Variants in AKAP6 observed in about 807,000 individuals in gnomAD.
AKAP6 encodes the protein A-kinase anchoring protein 6.
A neutral mutation model predicts 188.5 loss-of-function variants in AKAP6; 58 were observed. That is an observed-to-expected ratio of 0.31 (90% confidence interval 0.25 to 0.38). The LOEUF (loss-of-function observed/expected upper bound fraction) is 0.38, where lower values mean the gene tolerates loss of function less well. AKAP6 is among the 10% of genes least tolerant of loss of function. The pLI is 1.00. For synonymous variants in AKAP6, 989 were observed against 998.6 expected (o/e 0.99, Z 0.18); for missense variants, 2,710 against 2,740.0 (o/e 0.99, Z 0.24).
At chr14:32,746,996 G>A (rs2031938742) in intron 11 of AKAP6, among the ~76,000 whole-genome samples, 1 of 152,124 alleles carries the variant, frequency 6.6e-6, no homozygotes, top group East Asian at 1.9e-4. Context: ...ACTCTGAAAA[G>A]GAGTATCACT....
intron 2 of AKAP6, among the ~76,000 whole-genome samples, chr14:32,463,230 C>A (rs905413728): frequency 6.6e-5 from 10 of 152,142 alleles, no homozygotes; most frequent in Admixed American, 5.2e-4. Flanking sequence ...GGCTTGAACT[C>A]AGCTCTGGAC....
At chr14:32,569,097 A>G (rs1186265395) in intron 4 of AKAP6, among the ~76,000 whole-genome samples, 4 of 152,132 alleles carry the variant, frequency 2.6e-5, no homozygotes, top group Non-Finnish European at 5.9e-5. Context: ...GAAATTGTGG[A>G]TTCAGTGTAA....
intron 1 of AKAP6, among the ~76,000 whole-genome samples, chr14:32,345,729 GC>G (rs1188776964): frequency 6.6e-6 from 1 of 152,170 alleles, no homozygotes; most frequent in African/African-American, 2.4e-5. Context: ...CTGGACTCTG[GC>G]CTGAGTCCTA....
At chr14:32,696,342 A>T (rs1250690904) in intron 9 of AKAP6, among the ~76,000 whole-genome samples, 4 of 152,204 alleles carry the variant, frequency 2.6e-5, no homozygotes, top group Non-Finnish European at 5.9e-5. Context: ...GTAATTCTAT[A>T]GAAGGACAAA....
intron 12 of AKAP6, among the ~76,000 whole-genome samples, chr14:32,792,185 G>A (rs2033631770): frequency 6.6e-6 from 1 of 152,132 alleles, no homozygotes; most frequent in African/African-American, 2.4e-5. Context: ...CATGGGAATA[G>A]CATTGAATCT....
chr14:32,481,298 T>C (rs1288852449), intron 2 of AKAP6, among the ~76,000 whole-genome samples: 1 of 152,194 alleles, frequency 6.6e-6, no homozygotes, highest in Non-Finnish European at 1.5e-5. Context: ...GATCCAATGA[T>C]CCAGAGGCAA....
chr14:32,821,546 G>A lies in AKAP6; in HGVS notation c.3733G>A (p.Val1245Ile). Residue 1245 changes from valine (V) to isoleucine (I), a missense_variant, in exon 13 of 14, where the codon GTT becomes ATT. Coordinates refer to ENST00000280979, the MANE Select transcript of AKAP6 (RefSeq NM_004274.5). Reference protein sequence around the residue: ...SNDLDQELQPVIPSLKLGETS... With the variant: ...SNDLDQELQPIIPSLKLGETS... ...TGACCTTGATCAAGAACTCCAACCTGTTATCCCTTCCTTGAAGCTTGGAGA... is the reference window on the plus strand; with the variant it reads ...TGACCTTGATCAAGAACTCCAACCTATTATCCCTTCCTTGAAGCTTGGAGA... The A allele has an allele frequency of 6.2e-7, 1 of 1,613,720 alleles. No homozygotes were observed. The highest frequency in any genetic ancestry group is 8.5e-7 in the Non-Finnish European group (1 of 1,179,830).
intron 9 of AKAP6, among the ~76,000 whole-genome samples, chr14:32,727,930 T>C (rs1320377064): frequency 6.6e-6 from 1 of 152,218 alleles, no homozygotes; most frequent in Non-Finnish European, 1.5e-5. Flanking sequence ...ATGTGCAGCA[T>C]CATATGCGTT....
chr14:32,794,508 T>A (rs1454400503), intron 12 of AKAP6, among the ~76,000 whole-genome samples: 2 of 152,170 alleles, frequency 1.3e-5, no homozygotes, highest in Non-Finnish European at 2.9e-5. Flanking sequence ...TGCAGTGAGC[T>A]GAGATTGCAT....
chr14:32,724,990 T>TAAAAAAAAAAA (rs71432079), intron 9 of AKAP6, among the ~76,000 whole-genome samples: 1,939 of 34,912 alleles, frequency 0.056, 592 homozygotes, highest in Non-Finnish European at 0.063. Context: ...ATATTCAACC[T>TAAAAAAAAAAA]AAAAAAAAAA....
At chr14:32,697,904 TA>T (rs1165173475) in intron 9 of AKAP6, among the ~76,000 whole-genome samples, 1 of 152,144 alleles carries the variant, frequency 6.6e-6, no homozygotes, top group Non-Finnish European at 1.5e-5. Context: ...TGGGTTATAG[TA>T]TTTTTCCAAA....
intron 7 of AKAP6, among the ~76,000 whole-genome samples, chr14:32,673,753 G>T (rs1330612457): frequency 6.6e-6 from 1 of 151,960 alleles, no homozygotes; most frequent in Non-Finnish European, 1.5e-5. Context: ...AATAATAAAT[G>T]GATGAATGCA....
chr14:32,774,131 T>C, intron 12 of AKAP6: 1 of 528,450 alleles, frequency 1.9e-6, no homozygotes. Context: ...TTATTAAAAT[T>C]CCTTTAGTGT....
chr14:32,709,980 T>C (rs1890973150), intron 9 of AKAP6, among the ~76,000 whole-genome samples: 1 of 152,062 alleles, frequency 6.6e-6, no homozygotes. Flanking sequence ...AATATGCTAA[T>C]ATTGAAAGAC....
At chr14:32,700,629 T>TAGG (rs1182749080) in intron 9 of AKAP6, among the ~76,000 whole-genome samples, 1 of 152,208 alleles carries the variant, frequency 6.6e-6, no homozygotes, top group East Asian at 1.9e-4. Context: ...ACCATTGTGT[T>TAGG]ACGGTTGCCT....
At chr14:32,479,760 C>G (rs890506184) in intron 2 of AKAP6, among the ~76,000 whole-genome samples, 1 of 148,726 alleles carries the variant, frequency 6.7e-6, no homozygotes, top group African/African-American at 2.5e-5. Context: ...AGACCCCTTG[C>G]CTTTCTGTCA....
chr14:32,723,022 C>G (rs2030634177), intron 9 of AKAP6, among the ~76,000 whole-genome samples: 1 of 152,184 alleles, frequency 6.6e-6, no homozygotes, highest in South Asian at 2.1e-4. Context: ...AGTGTTTTTT[C>G]CTGCTGACAC....
chr14:32,400,563 C>CA lies in AKAP6; in HGVS notation c.-34-32881dup, dbSNP rs71432051. On this transcript the variant is annotated intron_variant, in intron 1 of 13. Transcript: ENST00000280979. ...TTCAAGATATTTAGTCCACTTTTAG[C>CA]AAAAAAAAAAAAAAAAGACAGTAAG... Among the ~76,000 whole-genome samples, 82 of 73,974 alleles carry CA rather than the reference C, an allele frequency of 1.1e-3. 11 individuals carry two copies. The highest frequency in any genetic ancestry group is 2.2e-3 in the Admixed American group (9 of 4,118). The allele number at this position is 73,974 out of a possible 152,430, so 48.5% of individuals were successfully genotyped here.
At chr14:32,698,488 C>T (rs935599046) in intron 9 of AKAP6, among the ~76,000 whole-genome samples, 13 of 152,148 alleles carry the variant, frequency 8.5e-5, no homozygotes, top group African/African-American at 3.1e-4. Flanking sequence ...GATACCAGTG[C>T]TTTATTAACC....
Sources: gnomAD v4.1 joint callset for allele counts (sites outside exome capture counted in the v4.1 genomes callset) on GRCh38, gnomAD v4.1.1 for gene constraint, MANE v1.5 for transcripts, NCBI Gene and HGNC (gene_info 2026-07-23, HGNC 2026-07-21) for gene names.